Variants in PCDH15 observed in about 807,000 individuals in gnomAD.
The protein encoded by PCDH15 is protocadherin-15.
Under a neutral mutation model 178.5 loss-of-function variants are expected in PCDH15, and 129 were observed. The ratio of observed to expected loss-of-function variants is 0.72; its 90% CI spans 0.63 to 0.84. The LOEUF (loss-of-function observed/expected upper bound fraction) is 0.84, where lower values mean the gene tolerates loss of function less well. Ranked by LOEUF, PCDH15 falls within the 40% of genes least tolerant of loss-of-function variation. PCDH15 has a pLI of 0.00. For synonymous variants in PCDH15, 800 were observed against 732.0 expected (o/e 1.09, Z -1.50); for missense variants, 2,230 against 2,099.9 (o/e 1.06, Z -1.21).
At chr10:55,615,149 A>C (rs1843448534) in intron 2 of PCDH15, among the ~76,000 whole-genome samples, 1 of 152,304 alleles carries the variant, frequency 6.6e-6, no homozygotes, top group African/African-American at 2.4e-5. Context: ...ATAACATGAA[A>C]ATTCAAATGA....
chr10:54,723,092 A>G (rs1291224696), intron 1 of PCDH15, among the ~76,000 whole-genome samples: 2 of 151,796 alleles, frequency 1.3e-5, no homozygotes, highest in African/African-American at 2.4e-5. Flanking sequence ...AGCCAAAGCA[A>G]TCCTAAGCAA....
chr10:55,561,491 A>T (rs2132099396), intron 2 of PCDH15, among the ~76,000 whole-genome samples: 1 of 151,978 alleles, frequency 6.6e-6, no homozygotes, highest in South Asian at 2.1e-4. Flanking sequence ...TGATAATAAT[A>T]TTTTTTCAGG....
chr10:53,900,663 T>G (rs1402058746), intron 26 of PCDH15, among the ~76,000 whole-genome samples: 1 of 152,134 alleles, frequency 6.6e-6, no homozygotes, highest in Non-Finnish European at 1.5e-5. Flanking sequence ...GATTCCTTCT[T>G]TCTCCCTCTA....
At chr10:53,863,406 T>C (rs1485563385) in intron 27 of PCDH15, among the ~76,000 whole-genome samples, 1 of 152,042 alleles carries the variant, frequency 6.6e-6, no homozygotes, top group South Asian at 2.1e-4. Context: ...TAGTCAAGCA[T>C]TGCTGATGGT....
chr10:54,852,495 CT>C (rs1180673081), intron 3 of PCDH15, among the ~76,000 whole-genome samples: 1 of 152,110 alleles, frequency 6.6e-6, no homozygotes, highest in East Asian at 1.9e-4. Context: ...AATATCTGAG[CT>C]TTCTGCCAAA....
rs535831654 is a variant in PCDH15 at position 53,985,115 on chromosome 10, A to G, written c.2868+10534T>C. Among the ~76,000 whole-genome samples, 35 of 152,344 alleles carry G rather than the reference A, an allele frequency of 2.3e-4. No homozygotes were observed. The South Asian group carries it at 7.2e-3, about 32-fold the overall frequency. On this transcript the variant is annotated intron_variant, in intron 21 of 37. Coordinates refer to ENST00000644397, the MANE Select transcript of PCDH15 (RefSeq NM_001384140.1). ...CTGCCTCACAGACCCATAAATAAAA[A>G]TATTGATCTTTGCTATTGCAGAACA...
At chr10:53,862,510 T>A (rs2079169296) in intron 27 of PCDH15, among the ~76,000 whole-genome samples, 2 of 152,220 alleles carry the variant, frequency 1.3e-5, no homozygotes, top group South Asian at 4.1e-4. Flanking sequence ...ATACAACCAC[T>A]GACTCATCAA....
chr10:55,341,795 A>ATC (rs1565032283), intron 2 of PCDH15, among the ~76,000 whole-genome samples: 1 of 11,276 alleles, frequency 8.9e-5, no homozygotes, highest in Non-Finnish European at 1.7e-4. Context: ...ATATATATAT[A>ATC]TATATATATA....
chr10:54,219,234 C>T (rs1417401610), intron 9 of PCDH15, among the ~76,000 whole-genome samples: 1 of 142,834 alleles, frequency 7.0e-6, no homozygotes, highest in Non-Finnish European at 1.5e-5. Context: ...GAGATTGTGC[C>T]ACTGCACTCC....
intron 14 of PCDH15, among the ~76,000 whole-genome samples, chr10:54,145,403 GATTA>G (rs58742909): frequency 0.015 from 2,346 of 152,118 alleles, 75 homozygotes; most frequent in African/African-American, 0.054. Context: ...ATTTCAGACA[GATTA>G]ATTACTGTTT....
chr10:54,827,635 A>T (rs1247659554), intron 3 of PCDH15, among the ~76,000 whole-genome samples: 1 of 152,110 alleles, frequency 6.6e-6, no homozygotes, highest in Admixed American at 6.6e-5. Context: ...GATTTTCAAC[A>T]TAGAAGATCT....
intron 2 of PCDH15, among the ~76,000 whole-genome samples, chr10:54,601,092 T>C (rs1253391709): frequency 1.3e-5 from 2 of 152,078 alleles, no homozygotes; most frequent in African/African-American, 2.4e-5. Flanking sequence ...AGAACCTCGT[T>C]GACACGGACA....
chr10:54,287,010 A>G (rs2059070764), intron 8 of PCDH15, among the ~76,000 whole-genome samples: 1 of 152,218 alleles, frequency 6.6e-6, no homozygotes, highest in South Asian at 2.1e-4. Flanking sequence ...GAAAATAGGT[A>G]AGAAGATGAA....
chr10:54,575,909 GCTAGGGAGTAA>G (rs1201385484), intron 2 of PCDH15, among the ~76,000 whole-genome samples: 1 of 152,162 alleles, frequency 6.6e-6, no homozygotes, highest in Non-Finnish European at 1.5e-5. Context: ...AATGGGAATT[GCTAGGGAGTAA>G]CTACAGTTTT....
At chr10:54,235,287 T>A (rs2054514278) in intron 9 of PCDH15, among the ~76,000 whole-genome samples, 1 of 152,214 alleles carries the variant, frequency 6.6e-6, no homozygotes, top group Non-Finnish European at 1.5e-5. Flanking sequence ...GTTTATTGCC[T>A]ATCTCTTCTG....
At chr10:54,739,408 T>C (rs1944498799) in intron 1 of PCDH15, among the ~76,000 whole-genome samples, 1 of 151,822 alleles carries the variant, frequency 6.6e-6, no homozygotes, top group Non-Finnish European at 1.5e-5. Flanking sequence ...AAAAGATTGA[T>C]AAAATAAATT....
intron 2 of PCDH15, among the ~76,000 whole-genome samples, chr10:55,112,788 G>T (rs531521722): frequency 6.6e-6 from 1 of 152,264 alleles, no homozygotes; most frequent in South Asian, 2.1e-4. Context: ...AATTAACTAA[G>T]CAACACACTT....
chr10:54,036,964 G>T (rs2093430979), intron 18 of PCDH15, among the ~76,000 whole-genome samples: 1 of 151,912 alleles, frequency 6.6e-6, no homozygotes, highest in South Asian at 2.1e-4. Context: ...ACTCTGAGAG[G>T]TTCAAGAGAG....
chr10:55,575,419 G>C (rs937078982), intron 2 of PCDH15, among the ~76,000 whole-genome samples: 1 of 152,024 alleles, frequency 6.6e-6, no homozygotes, highest in Non-Finnish European at 1.5e-5. Flanking sequence ...TTTTTCAAAA[G>C]TCTATTTTCC....
Sources: gnomAD v4.1 joint callset for allele counts (sites outside exome capture counted in the v4.1 genomes callset) on GRCh38, gnomAD v4.1.1 for gene constraint, MANE v1.5 for transcripts, NCBI Gene and HGNC (gene_info 2026-07-23, HGNC 2026-07-21) for gene names.